The following ZNF430 variants were observed in gnomAD, a reference collection of about 807,000 sequenced individuals.
ZNF430 encodes zinc finger protein 430.
A neutral mutation model predicts 56.7 loss-of-function variants in ZNF430; 35 were observed. That is an observed-to-expected ratio of 0.62 (90% CI 0.47 to 0.82). The LOEUF (loss-of-function observed/expected upper bound fraction) is 0.82. Ranked by LOEUF, ZNF430 falls within the 40% of genes least tolerant of loss-of-function variation. The pLI, the probability that ZNF430 is intolerant of heterozygous loss-of-function variation, is 0.00. For synonymous variants in ZNF430, 212 were observed against 224.3 expected (o/e 0.94, Z 0.49); for missense variants, 574 against 661.0 (o/e 0.87, Z 1.44).
chr19:21,058,009 C>T lies in ZNF430; in HGVS notation c.1701C>T (p.Thr567=), dbSNP rs1234690203. The change falls in exon 5 of 5, where the codon ACC becomes ACT. Residue 567 remains threonine (T), a synonymous_variant. Coordinates refer to ENST00000261560, the MANE Select transcript of ZNF430 (RefSeq NM_025189.4). The part of the protein sequence containing the change: ...IEQSNSYWRE[T]LQM ...AAAGTAATTCATACTGGAGAGAAAC[C>T]CTACAAATGTGAAGATTGTGGCAAA... The T allele has an allele frequency of 6.2e-7, 1 of 1,610,972 alleles. No homozygotes were observed. The highest frequency in any genetic ancestry group is 2.2e-5 in the East Asian group (1 of 44,858).
chr19:21,020,945 C>A, intron 1 of ZNF430, 142 bp downstream of exon 1: 4 of 1,190,590 alleles, frequency 3.4e-6, no homozygotes, highest in Middle Eastern at 3.9e-4. Flanking sequence ...GGCCTCAGTC[C>A]CCATCAGCCT....
chr19:21,041,310 T>C lies in ZNF430; in HGVS notation c.322+7126T>C, dbSNP rs558066495. On this transcript the variant is annotated intron_variant, in intron 4 of 4. Coordinates refer to ENST00000261560, the MANE Select transcript of ZNF430 (RefSeq NM_025189.4). ...GCTCATTTTATTGTTTTTGTTTTTGTTTTTGTAGGGACAGAATTTTGCCAT... is the reference window on the plus strand; with the variant it reads ...GCTCATTTTATTGTTTTTGTTTTTGCTTTTGTAGGGACAGAATTTTGCCAT... 3.9e-5 allele frequency among the ~76,000 whole-genome samples: 6 copies of C among 152,182 alleles called. No individual in the cohort carries two copies. The South Asian group carries it at 1.0e-3, about 26-fold the overall frequency.
At position 21,022,828 on chromosome 19, in the gene ZNF430, A is replaced by G. The variant is rs73012952; in HGVS notation, c.43A>G (p.Ser15Gly). ...TGGAGTGTATCCTCTCAAGGAAGCA[A>G]GTGGATGCCCTGGGGCTGACAGGAA... is the stretch of plus-strand genomic sequence containing the variant. Reference protein sequence around the residue: ...KSGVYPLKEASGCPGADRNLL... With the variant: ...KSGVYPLKEAGGCPGADRNLL... Residue 15 changes from serine (S) to glycine (G), a missense_variant, in exon 2 of 5, where the codon AGT becomes GGT. Physicochemically the swap from Ser to Gly is moderately conservative, Grantham distance 56. Transcript: ENST00000261560. 6.2e-7 allele frequency: 1 copy of G among 1,613,994 alleles called. No homozygotes were observed. Among genetic ancestry groups the G allele is most frequent in the Non-Finnish European group, 8.5e-7 (1 of 1,179,908 alleles).
chr19:21,030,892 T>C (rs1252179744), intron 2 of ZNF430, among the ~76,000 whole-genome samples: 2 of 152,050 alleles, frequency 1.3e-5, no homozygotes, highest in African/African-American at 4.8e-5. Flanking sequence ...TGTTTTGTTT[T>C]CTGTTTTTGA....
At chr19:21,040,313 C>T (rs1429663769) in intron 4 of ZNF430, among the ~76,000 whole-genome samples, 5 of 152,160 alleles carry the variant, frequency 3.3e-5, no homozygotes, top group East Asian at 3.8e-4. Flanking sequence ...CAATGTAATA[C>T]ACAATGTTGG....
At chr19:21,021,096 C>T (rs1271775577) in intron 1 of ZNF430, among the ~76,000 whole-genome samples, 1 of 152,174 alleles carries the variant, frequency 6.6e-6, no homozygotes, top group African/African-American at 2.4e-5. Flanking sequence ...GCAGGGACCA[C>T]GGGAGGATCG....
Position 21,056,739 on chromosome 19 carries a change from A to G in ZNF430, c.431A>G (p.Gln144Arg), listed in dbSNP as rs1968385614. 6.2e-7 allele frequency: 1 copy of G among 1,610,968 alleles called. No individual in the cohort carries two copies. Among genetic ancestry groups the G allele is most frequent in the Non-Finnish European group, 8.5e-7 (1 of 1,178,756 alleles). Residue 144 changes from glutamine to arginine, a missense_variant, in exon 5 of 5, where the codon CAG (glutamine) becomes CGG (arginine). By Grantham distance (43) the Gln-to-Arg change is conservative. Around this residue, in one of 3 missense-constraint regions of ZNF430, gnomAD observed 346 missense variants for 399.1 expected, o/e 0.87. Transcript: ENST00000261560. ...RYGKCGHEDL[Q>R]LRTGCKSVDE... ...GGAAAATGTGGACATGAAGATTTACAGTTAAGAACAGGCTGTAAAAGTGTG... is the reference window on the plus strand; with the variant it reads ...GGAAAATGTGGACATGAAGATTTACGGTTAAGAACAGGCTGTAAAAGTGTG...
intron 4 of ZNF430, 132 bp downstream of exon 4, chr19:21,034,316 TA>T (rs1967955722): frequency 1.4e-6 from 1 of 702,154 alleles, no homozygotes; most frequent in African/African-American, 1.8e-5. Flanking sequence ...TTTTTTTTTT[TA>T]ATTTTGCCCT....
In ZNF430 at chr19:21,034,153, G is replaced by C; in HGVS notation, c.291G>C (p.Met97Ile). Residue 97 changes from methionine to isoleucine, a missense_variant, in exon 4 of 5, where the codon ATG becomes ATC. By Grantham distance (10) the Met-to-Ile change is conservative (BLOSUM62 1). This residue lies in a region of ZNF430 where 346 missense variants were observed against 399.1 expected (regional missense o/e 0.87). Transcript: ENST00000261560. Reference sequence around the variant, plus strand: ...AGCAAGGAAAAGAGCCCTGGAATATGAAGAGACATGCGATGGTAGATCAAC... The same window carrying C: ...AGCAAGGAAAAGAGCCCTGGAATATCAAGAGACATGCGATGGTAGATCAAC... ...CLEQGKEPWN[M>I]KRHAMVDQPP... 6.2e-7 allele frequency: 1 copy of C among 1,613,356 alleles called. No homozygotes were observed. The highest frequency in any genetic ancestry group is 8.5e-7 in the Non-Finnish European group (1 of 1,179,618).
chr19:21,021,887 A>G (rs1967695358), intron 1 of ZNF430, among the ~76,000 whole-genome samples: 1 of 127,756 alleles, frequency 7.8e-6, no homozygotes, highest in African/African-American at 3.3e-5. Context: ...CCCAGGCTGG[A>G]GTGCAGTGGC....
intron 1 of ZNF430, 111 bp downstream of exon 1, chr19:21,020,914 C>G: frequency 6.7e-7 from 1 of 1,481,918 alleles, no homozygotes. Context: ...ACAATCTGCG[C>G]CCCGAGTTCT....
chr19:21,024,160 A>C (rs1416024404), intron 2 of ZNF430, among the ~76,000 whole-genome samples: 1 of 152,104 alleles, frequency 6.6e-6, no homozygotes. Context: ...CCTCCCCTGC[A>C]GATGTCCTAG....
intron 4 of ZNF430, among the ~76,000 whole-genome samples, chr19:21,048,239 T>C (rs1295074536): frequency 2.4e-5 from 3 of 122,586 alleles, no homozygotes; most frequent in Non-Finnish European, 4.9e-5. Context: ...CAGAGGGGGA[T>C]TTGGCAGGGT....
chr19:21,025,208 A>G (rs542672180), intron 2 of ZNF430, among the ~76,000 whole-genome samples: 22 of 152,276 alleles, frequency 1.4e-4, no homozygotes, highest in African/African-American at 5.1e-4. Flanking sequence ...TTTTATGGTT[A>G]TTTCTTGATT....
intron 4 of ZNF430, among the ~76,000 whole-genome samples, chr19:21,045,611 C>T (rs1968174984): frequency 6.6e-6 from 1 of 152,058 alleles, no homozygotes; most frequent in African/African-American, 2.4e-5. Context: ...GAGTTCAAGT[C>T]CTGAATATCT....
At position 21,033,596 on chromosome 19, in the gene ZNF430, T is replaced by C. The variant is rs200807524; in HGVS notation, c.223+14T>C. The C allele has an allele frequency of 5.3e-5, 85 of 1,598,886 alleles. No homozygotes were observed. In the East Asian group the frequency reaches 1.6e-3, roughly 30 times the overall value. The stretch of plus-strand genomic sequence containing the variant: ...TGGTCTTCTTGGGTGAGAATAACTT[T>C]AGTACACAATTACTAGTATACCCTA... On this transcript the variant is annotated intron_variant, in intron 3 of 4. Coordinates refer to ENST00000261560, the MANE Select transcript of ZNF430 (RefSeq NM_025189.4).
intron 2 of ZNF430, among the ~76,000 whole-genome samples, chr19:21,028,100 T>C (rs1967836383): frequency 6.6e-6 from 1 of 152,162 alleles, no homozygotes; most frequent in Admixed American, 6.5e-5. Flanking sequence ...GGCCTCTTCC[T>C]GGGATTTACA....
chr19:21,052,085 G>A (rs1968294445), intron 4 of ZNF430, among the ~76,000 whole-genome samples: 1 of 152,068 alleles, frequency 6.6e-6, no homozygotes, highest in South Asian at 2.1e-4. Flanking sequence ...GGAGCATGCT[G>A]GAGAATGTGT....
chr19:21,049,689 CAACATTTCTTGTTACATTTCGTGT>C (rs71174791), intron 4 of ZNF430: 13 of 133,198 alleles, frequency 9.8e-5, no homozygotes, highest in South Asian at 2.4e-4. Context: ...ACATTTCGTG[CAACATTTCTTGTTACATTTCGTGT>C]AACATTTCTT....
Sources: gnomAD v4.1 joint callset for allele counts (sites outside exome capture counted in the v4.1 genomes callset) on GRCh38, gnomAD v4.1.1 for gene constraint, gnomAD v4.1.1 regional missense constraint, MANE v1.5 for transcripts, NCBI Gene and HGNC (gene_info 2026-07-23, HGNC 2026-07-21) for gene names.